Variants in ABI3BP observed in about 807,000 individuals in gnomAD.
ABI3BP encodes the protein ABI family member 3 binding protein.
ABI3BP carries 216 observed loss-of-function variants against 268.6 expected under a neutral mutation model. That is an observed-to-expected ratio of 0.80 (90% CI 0.72 to 0.90). ABI3BP has a LOEUF of 0.90. ABI3BP is among the 40% of genes least tolerant of loss of function. The probability of loss-of-function intolerance (pLI) is 0.00; values close to 1 mark genes in which losing one functional copy is unlikely to be tolerated. For missense variants in ABI3BP, 2,090 were observed against 2,182.4 expected, an observed-to-expected ratio of 0.96 and a Z score of 0.84; for synonymous variants, 730 against 730.0, an observed-to-expected ratio of 1.00 and a Z score of 0.00.
intron 62 of ABI3BP, among the ~76,000 whole-genome samples, chr3:100,766,386 G>A (rs2096270693): frequency 6.6e-6 from 1 of 152,176 alleles, no homozygotes; most frequent in African/African-American, 2.4e-5. Flanking sequence ...TTGGGGAAAA[G>A]GCTACTGGAT....
intron 1 of ABI3BP, among the ~76,000 whole-genome samples, chr3:100,951,998 C>A (rs1440041652): frequency 3.3e-5 from 5 of 149,960 alleles, no homozygotes; most frequent in African/African-American, 7.6e-5. Flanking sequence ...TCTTTCTTAG[C>A]CCCACCCAAC....
At chr3:100,907,886 C>T (rs1025474714) in intron 2 of ABI3BP, among the ~76,000 whole-genome samples, 6 of 152,114 alleles carry the variant, frequency 3.9e-5, no homozygotes, top group Admixed American at 6.5e-5. Context: ...GAGGCCTAGG[C>T]GGGCAGATCA....
chr3:100,863,089 G>GT (rs2099015114), intron 12 of ABI3BP, 180 bp from the exon 13 acceptor site: 1 of 556,860 alleles, frequency 1.8e-6, no homozygotes, highest in Admixed American at 3.3e-5. Context: ...TTCTTTTTCA[G>GT]TTTTTTATAG....
intron 1 of ABI3BP, among the ~76,000 whole-genome samples, chr3:100,953,022 C>T (rs182622309): frequency 1.5e-3 from 236 of 152,268 alleles, no homozygotes; most frequent in African/African-American, 5.4e-3. Flanking sequence ...ATCCTGCATC[C>T]TCTTGATGTC....
intron 18 of ABI3BP, 111 bp from the exon 19 acceptor site, chr3:100,847,784 A>G: frequency 1.2e-6 from 1 of 861,246 alleles, no homozygotes; most frequent in Non-Finnish European, 1.9e-6. Context: ...TAGTAGTCAA[A>G]GTATACAATG....
At chr3:100,914,169 A>T (rs1236088933) in intron 2 of ABI3BP, among the ~76,000 whole-genome samples, 9 of 152,112 alleles carry the variant, frequency 5.9e-5, no homozygotes, top group Non-Finnish European at 8.8e-5. Context: ...GTATGTTTTC[A>T]TGTGGAAAAA....
In ABI3BP at chr3:100,793,602, T is replaced by C. The variant is rs770765173; in HGVS notation, c.3947-834A>G. Among the ~76,000 whole-genome samples the C allele has an allele frequency of 1.5e-4, 23 of 152,012 alleles. 1 individual carries two copies. The highest frequency in any genetic ancestry group is 2.9e-4 in the Non-Finnish European group (20 of 67,926). ...TTTAACTTTGCCATCATGGGCACTA[T>C]TGATTTTGCAGAAATAAGCTAGATT... On this transcript the variant is annotated intron_variant, in intron 54 of 67. Transcript: ENST00000471714.
intron 51 of ABI3BP, among the ~76,000 whole-genome samples, chr3:100,799,287 T>G (rs901732883): frequency 6.6e-6 from 1 of 152,148 alleles, no homozygotes; most frequent in African/African-American, 2.4e-5. Flanking sequence ...CAACAGTGCC[T>G]TCATCATATT....
chr3:100,965,743 G>C (rs987598508), intron 1 of ABI3BP, among the ~76,000 whole-genome samples: 17 of 151,958 alleles, frequency 1.1e-4, no homozygotes, highest in Non-Finnish European at 2.4e-4. Flanking sequence ...GTTGGTGGTG[G>C]CCTTGGGGAT....
intron 14 of ABI3BP, among the ~76,000 whole-genome samples, chr3:100,861,499 G>A (rs2098998116): frequency 6.6e-6 from 1 of 151,986 alleles, no homozygotes; most frequent in African/African-American, 2.4e-5. Context: ...ATACAAATAA[G>A]CAAAACACAA....
intron 2 of ABI3BP, among the ~76,000 whole-genome samples, chr3:100,905,028 T>C (rs1018271636): frequency 2.0e-5 from 3 of 152,148 alleles, no homozygotes; most frequent in African/African-American, 7.2e-5. Context: ...CCAACAATGA[T>C]AGACTGGATT....
chr3:100,894,434 G>A (rs2046196735), intron 4 of ABI3BP, among the ~76,000 whole-genome samples: 1 of 152,040 alleles, frequency 6.6e-6, no homozygotes, highest in African/African-American at 2.4e-5. Context: ...GCTCTTCGGG[G>A]GACCAGGAAG....
chr3:100,786,306 A>T (rs2097043211), intron 57 of ABI3BP, among the ~76,000 whole-genome samples: 1 of 152,218 alleles, frequency 6.6e-6, no homozygotes. Flanking sequence ...TAAATTGAAA[A>T]GCCCTGCTAT....
In ABI3BP at chr3:100,992,200, C is replaced by T. The variant is rs144302068; in HGVS notation, c.79+1106G>A. Among the ~76,000 whole-genome samples, 114 of 152,184 alleles carry T rather than the reference C, an allele frequency of 7.5e-4. 2 individuals carry two copies. In the East Asian group the frequency reaches 0.02, roughly 27 times the overall value. ...TCTTTTTTATTGCTGTTCACATTAT[C>T]GTGTGAAATATCAACTAGCCAACCG... is the stretch of plus-strand genomic sequence containing the variant. On this transcript the variant is annotated intron_variant, in intron 1 of 67. Coordinates refer to ENST00000471714, the MANE Select transcript of ABI3BP (RefSeq NM_001375547.2).
intron 55 of ABI3BP, among the ~76,000 whole-genome samples, chr3:100,790,748 T>C (rs1356294941): frequency 2.6e-5 from 4 of 151,988 alleles, no homozygotes; most frequent in Non-Finnish European, 2.9e-5. Flanking sequence ...GGATTCCCTG[T>C]TAATTTAGCC....
chr3:100,973,135 T>C (rs963175292), intron 1 of ABI3BP, among the ~76,000 whole-genome samples: 1 of 152,172 alleles, frequency 6.6e-6, no homozygotes, highest in African/African-American at 2.4e-5. Context: ...AAGAAGGCTG[T>C]GATGTGCCTT....
chr3:100,971,725 C>A (rs2083682402), intron 1 of ABI3BP, among the ~76,000 whole-genome samples: 1 of 152,066 alleles, frequency 6.6e-6, no homozygotes, highest in Admixed American at 6.6e-5. Flanking sequence ...CTGGTAAGCA[C>A]AGAGCTTTAT....
intron 30 of ABI3BP, among the ~76,000 whole-genome samples, chr3:100,832,845 T>C (rs2098515906): frequency 6.6e-6 from 1 of 152,156 alleles, no homozygotes; most frequent in African/African-American, 2.4e-5. Context: ...ACGTTGGTGC[T>C]CTAAATAAGG....
intron 51 of ABI3BP, among the ~76,000 whole-genome samples, chr3:100,803,186 C>T (rs1014045984): frequency 6.8e-6 from 1 of 146,178 alleles, no homozygotes; most frequent in African/African-American, 2.4e-5. Flanking sequence ...AGGCAGTTCT[C>T]TTACTCTGCT....
Sources: allele counts gnomAD v4.1 joint callset (sites outside exome capture counted in the v4.1 genomes callset), GRCh38; gene constraint gnomAD v4.1.1; transcripts MANE v1.5; gene names NCBI Gene and HGNC (gene_info 2026-07-23, HGNC 2026-07-21).